The following ATXN3 variants were observed in gnomAD, a reference collection of about 807,000 sequenced individuals.
ATXN3 encodes the protein ataxin-3.
Under a neutral mutation model 58.2 loss-of-function variants are expected in ATXN3, and 28 were observed. That is an observed-to-expected ratio of 0.48 (90% CI 0.36 to 0.66). The LOEUF is 0.66. Ranked by LOEUF, ATXN3 falls within the 30% of genes least tolerant of loss-of-function variation. The pLI is 0.00. For missense variants in ATXN3, 321 were observed against 422.1 expected, an observed-to-expected ratio of 0.76 and a Z score of 2.10; for synonymous variants, 113 against 138.5, an observed-to-expected ratio of 0.82 and a Z score of 1.29.
At chr14:92,103,068 A>T (rs1409396600) in intron 1 of ATXN3, among the ~76,000 whole-genome samples, 1 of 152,060 alleles carries the variant, frequency 6.6e-6, no homozygotes, top group East Asian at 1.9e-4. Context: ...GCACCAATAC[A>T]AATGGCACAG....
At chr14:92,053,995 C>T (rs552766823), downstream of ATXN3, among the ~76,000 whole-genome samples, 3 of 151,976 alleles carry the variant, frequency 2.0e-5, no homozygotes, top group South Asian at 2.1e-4. Flanking sequence ...GAGTGCATGG[C>T]GCGATATCTG....
At chr14:92,046,429 G>A (rs1248943937) in intron 2 of ATXN3, 1 of 152,290 alleles carries the variant, frequency 6.6e-6, no homozygotes, top group Non-Finnish European at 1.5e-5. Flanking sequence ...TGTGGTATCA[G>A]GAATAATGTG....
At chr14:92,098,779 A>G in intron 1 of ATXN3, among the ~76,000 whole-genome samples, 1 of 152,128 alleles carries the variant, frequency 6.6e-6, no homozygotes, top group East Asian at 1.9e-4. Context: ...ACTGTCCCAA[A>G]CAACCCTGGA....
rs2057576328 is a variant in ATXN3 at position 92,059,202 on chromosome 14, A to G, written c.*5118T>C. 1 of 152,188 alleles carries G rather than the reference A, an allele frequency of 6.6e-6. No homozygotes were observed. Among genetic ancestry groups the G allele is most frequent in the Non-Finnish European group, 1.5e-5 (1 of 68,038 alleles). 9.4% of individuals were successfully genotyped at this position (152,188 alleles called of 1,614,324 possible). A position where few individuals can be genotyped will look rare whatever the true frequency, so the allele number is the denominator to read the frequency against. The stretch of plus-strand genomic sequence containing the variant: ...CACTTGGAAAAAATAATAATAGCAA[A>G]GATTTTCTTCAAATTAAAAAACAAA... On this transcript the variant is annotated 3_prime_UTR_variant, in exon 11 of 11. Coordinates refer to ENST00000644486, the MANE Select transcript of ATXN3 (RefSeq NM_004993.6).
At chr14:92,080,001 ATGG>A in intron 9 of ATXN3, among the ~76,000 whole-genome samples, 1 of 152,218 alleles carries the variant, frequency 6.6e-6, no homozygotes, top group East Asian at 1.9e-4. Flanking sequence ...GCCTCCTAAA[ATGG>A]TGGGATTACA....
chr14:92,047,498 A>G (rs1012417308), intron 2 of ATXN3, among the ~76,000 whole-genome samples: 2 of 152,138 alleles, frequency 1.3e-5, no homozygotes, highest in Non-Finnish European at 2.9e-5. Flanking sequence ...TTAATGGGAT[A>G]GTAATGGGTG....
chr14:92,048,062 G>A (rs1218016287), intron 1 of ATXN3: 1 of 152,380 alleles, frequency 6.6e-6, no homozygotes, highest in Non-Finnish European at 1.5e-5. Flanking sequence ...TGGCTGCCGG[G>A]TTGGACAGTC....
intron 6 of ATXN3, among the ~76,000 whole-genome samples, chr14:92,086,908 A>AC (rs2062720960): frequency 6.6e-6 from 1 of 152,204 alleles, no homozygotes; most frequent in Admixed American, 6.5e-5. Flanking sequence ...GATCCAGCCC[A>AC]CAAGTGAGGG....
chr14:92,089,332 CTTTTTTTTTTTTTT>C (rs1157498754), intron 5 of ATXN3, among the ~76,000 whole-genome samples: 2 of 60,738 alleles, frequency 3.3e-5, no homozygotes, highest in African/African-American at 1.5e-4. Context: ...GCTAAATACT[CTTTTTTTTTTTTTT>C]TTTTTTTTTT....
chr14:92,101,387 T>C (rs1007291573), intron 1 of ATXN3, among the ~76,000 whole-genome samples: 3 of 152,238 alleles, frequency 2.0e-5, no homozygotes, highest in Admixed American at 2.0e-4. Context: ...ACTTAAGTCA[T>C]AGGACGGATC....
At chr14:92,081,899 A>C (rs1416077046) in intron 8 of ATXN3, among the ~76,000 whole-genome samples, 1 of 152,254 alleles carries the variant, frequency 6.6e-6, no homozygotes, top group Non-Finnish European at 1.5e-5. Context: ...TTACGGTTTA[A>C]GTTGCATAGC....
At chr14:92,056,218 T>C (rs2057464557), downstream of ATXN3, among the ~76,000 whole-genome samples, 1 of 152,210 alleles carries the variant, frequency 6.6e-6, no homozygotes, top group African/African-American at 2.4e-5. Flanking sequence ...TAGTGACATG[T>C]GGCTCAGGGC....
chr14:92,090,842 C>T (rs1246317487), intron 5 of ATXN3, among the ~76,000 whole-genome samples: 2 of 151,844 alleles, frequency 1.3e-5, no homozygotes, highest in East Asian at 1.9e-4. Flanking sequence ...TTTTTAAAAA[C>T]ACATAAATAA....
Position 92,097,018 on chromosome 14 carries a change from C to T in ATXN3, c.25-180G>A, listed in dbSNP as rs192441611. On this transcript the variant is annotated intron_variant, in intron 1 of 10. Transcript: ENST00000644486. ...CGCCACCCGGGTTCATGCCATTCTC[C>T]TGCCTCAGCCTCCCGAGTAGCTGGT... 2.8e-3 allele frequency: 1,487 copies of T among 532,226 alleles called. 3 individuals carry two copies. The highest frequency in any genetic ancestry group is 4.2e-3 in the Non-Finnish European group (1,231 of 295,894). 33.0% of individuals were successfully genotyped at this position (532,226 alleles called of 1,614,324 possible).
downstream of ATXN3, among the ~76,000 whole-genome samples, chr14:92,057,066 G>A (rs1002867668): frequency 4.6e-5 from 7 of 152,292 alleles, no homozygotes; most frequent in African/African-American, 1.2e-4. Context: ...TGGCAATGCC[G>A]GGAAGTTACC....
At position 92,060,521 on chromosome 14, in the gene ATXN3, A is replaced by G. The variant is rs1048423854; in HGVS notation, c.*3799T>C. 5 of 152,010 alleles carry G rather than the reference A, an allele frequency of 3.3e-5. No individual in the cohort carries two copies. Among genetic ancestry groups the G allele is most frequent in the Admixed American group, 3.3e-4 (5 of 15,260 alleles). The allele number at this position is 152,010 out of a possible 1,614,324, so 9.4% of individuals were successfully genotyped here. On this transcript the variant is annotated 3_prime_UTR_variant, in exon 11 of 11. Transcript: ENST00000644486. ...TGATTCGCCCACCTCAGCCTCCAGA[A>G]CTGCTGGGATTACAGGCGTGAGCCA...
chr14:92,095,962 C>T, intron 3 of ATXN3, 131 bp downstream of exon 3: 1 of 770,186 alleles, frequency 1.3e-6, no homozygotes, highest in Non-Finnish European at 2.2e-6. Flanking sequence ...AAATCTAGTA[C>T]TCTAGAGTAT....
Position 92,060,040 on chromosome 14 carries a change from T to G in ATXN3, c.*4280A>C, listed in dbSNP as rs1197892053. 6.7e-6 allele frequency: 1 copy of G among 149,286 alleles called. No individual in the cohort carries two copies. The highest frequency in any genetic ancestry group is 2.4e-5 in the African/African-American group (1 of 41,002). The allele number at this position is 149,286 out of a possible 1,614,324, so 9.2% of individuals were successfully genotyped here. ...CCTCCCAAGTAACTGGGATTACAGGTGCCCGCCACCATACCTGGCTTAAGT... is the reference window on the plus strand; with the variant it reads ...CCTCCCAAGTAACTGGGATTACAGGGGCCCGCCACCATACCTGGCTTAAGT... On this transcript the variant is annotated 3_prime_UTR_variant, in exon 11 of 11. Coordinates refer to ENST00000644486, the MANE Select transcript of ATXN3 (RefSeq NM_004993.6).
intron 1 of ATXN3, among the ~76,000 whole-genome samples, chr14:92,104,140 T>C (rs1426656567): frequency 6.6e-6 from 1 of 152,180 alleles, no homozygotes; most frequent in Non-Finnish European, 1.5e-5. Flanking sequence ...AGGGACTCTT[T>C]TTTCCTTTTC....
Sources: allele counts gnomAD v4.1 joint callset (sites outside exome capture counted in the v4.1 genomes callset), GRCh38; gene constraint gnomAD v4.1.1; transcripts MANE v1.5; gene names NCBI Gene and HGNC (gene_info 2026-07-23, HGNC 2026-07-21).